Variants in SPTBN4 observed in about 807,000 individuals in gnomAD.
SPTBN4 encodes the protein spectrin beta chain, non-erythrocytic 4.
SPTBN4 carries 96 observed loss-of-function variants against 277.8 expected under a neutral mutation model. The ratio of observed to expected loss-of-function variants is 0.35; its 90% confidence interval spans 0.29 to 0.41. The LOEUF is 0.41. Among genes scored for constraint, SPTBN4 ranks in the 10% least tolerant of loss-of-function variants. SPTBN4 has a pLI of 1.00. For missense variants in SPTBN4, 3,006 were observed against 3,595.7 expected, an observed-to-expected ratio of 0.84 and a Z score of 4.19; for synonymous variants, 1,481 against 1,580.3, an observed-to-expected ratio of 0.94 and a Z score of 1.49.
Position 40,568,123 on chromosome 19 carries a change from G to GGCCGGAGCGGCAGGAGTC in SPTBN4, c.6798_6815dup (p.Pro2267_Ser2272dup), listed in dbSNP as rs1343835417. ...TCCGAGGAGGCTGCGCGGAGGCGGCGGCCGGAGCGGCAGGAGTCAGCGGAG... is the reference window on the plus strand; with the variant it reads ...TCCGAGGAGGCTGCGCGGAGGCGGCGGCCGGAGCGGCAGGAGTCGCCGGAGCGGCAGGAGTCAGCGGAG... On this transcript the variant is annotated inframe_insertion, in exon 31 of 36. Coordinates refer to ENST00000598249, the MANE Select transcript of SPTBN4 (RefSeq NM_020971.3). The GGCCGGAGCGGCAGGAGTC allele has an allele frequency of 1.5e-5, 24 of 1,573,528 alleles. No individual in the cohort carries two copies. The Admixed American group carries it at 4.5e-4, about 30-fold the overall frequency.
chr19:40,567,608 C>CT, intron 30 of SPTBN4, 55 bp from the exon 31 acceptor site: 2 of 1,371,308 alleles, frequency 1.5e-6, no homozygotes, highest in Non-Finnish European at 1.9e-6. Flanking sequence ...GGACCTCCCC[C>CT]TTACCCCGCC....
At chr19:40,477,868 C>T (rs532409006) in intron 2 of SPTBN4, among the ~76,000 whole-genome samples, 47 of 152,032 alleles carry the variant, frequency 3.1e-4, no homozygotes, top group Non-Finnish European at 6.6e-4. Context: ...GACGGAGTTT[C>T]GCTCTTGTTG....
In SPTBN4 at chr19:40,490,026, A is replaced by G. The variant is rs1359423761; in HGVS notation, c.322-49A>G. On this transcript the variant is annotated intron_variant, in intron 3 of 35. Coordinates refer to ENST00000598249, the MANE Select transcript of SPTBN4 (RefSeq NM_020971.3). The surrounding 1 kb of genome is among the most constrained non-coding windows in gnomAD (Gnocchi z 4.3). ...GAAGCTGCGGGGCCGAGGGCGCCAT[A>G]CTCCTGTCTGTCCAGACCCCCGATC... 1.3e-5 allele frequency: 20 copies of G among 1,519,872 alleles called. No individual in the cohort carries two copies. Among genetic ancestry groups the G allele is most frequent in the Non-Finnish European group, 1.7e-5 (19 of 1,133,018 alleles). The allele number at this position is 1,519,872 out of a possible 1,614,324, so 94.1% of individuals were successfully genotyped here. A position where few individuals can be genotyped will look rare whatever the true frequency, so the allele number is the denominator to read the frequency against.
At chr19:40,521,139 G>T (rs976171431) in intron 16 of SPTBN4, among the ~76,000 whole-genome samples, 4 of 152,032 alleles carry the variant, frequency 2.6e-5, no homozygotes, top group African/African-American at 9.7e-5. Flanking sequence ...TGGCCAGGAT[G>T]GTTTTGATCT....
At chr19:40,467,630 G>A (rs941330916) in intron 1 of SPTBN4, among the ~76,000 whole-genome samples, 2 of 152,044 alleles carry the variant, frequency 1.3e-5, no homozygotes, top group African/African-American at 4.8e-5. Flanking sequence ...TTGCGGGGGG[G>A]GGGGGGTGTT....
At chr19:40,538,600 G>A (rs976817993) in intron 20 of SPTBN4, among the ~76,000 whole-genome samples, 1 of 151,928 alleles carries the variant, frequency 6.6e-6, no homozygotes, top group African/African-American at 2.4e-5. Context: ...GAATTTTTTT[G>A]TTTTTGAGGC....
At position 40,557,266 on chromosome 19, in the gene SPTBN4, G is replaced by A. The variant is rs1407043277; in HGVS notation, c.5533G>A (p.Glu1845Lys). The A allele has an allele frequency of 6.2e-7, 1 of 1,613,674 alleles. No individual in the cohort carries two copies. The highest frequency in any genetic ancestry group is 1.3e-5 in the African/African-American group (1 of 75,066). The change falls in exon 26 of 36, where the codon GAG becomes AAG. Residue 1845 changes from glutamate (E) to lysine (K), a missense_variant. Physicochemically the swap from Glu to Lys is moderately conservative, Grantham distance 56. Around this residue, in one of 5 missense-constraint regions of SPTBN4, gnomAD observed 425 missense variants for 594.7 expected, o/e 0.71. Coordinates refer to ENST00000598249, the MANE Select transcript of SPTBN4 (RefSeq NM_020971.3). ...ELHKFFSDAR[E>K]LQGQIEEKRR... ...TCATAAGTTCTTCAGTGACGCCCGA[G>A]AGCTTCAGGGACAGATTGAGGAGAA...
Position 40,570,460 on chromosome 19 carries a change from C to T in SPTBN4, c.7051C>T (p.Leu2351Phe). ...AGPSLPQPRE[L>F]PPGRLPNGLE... ...GCCGTCGCTGCCTCAGCCACGCGAGCTTCCCCCAGGTCGCCTGCCCAACGG... is the reference window on the plus strand; with the variant it reads ...GCCGTCGCTGCCTCAGCCACGCGAGTTTCCCCCAGGTCGCCTGCCCAACGG... The change falls in exon 33 of 36, where the codon CTT (leucine) becomes TTT (phenylalanine). Residue 2351 changes from leucine to phenylalanine, a missense_variant. Physicochemically the swap from Leu to Phe is conservative, Grantham distance 22 (BLOSUM62 0). Transcript: ENST00000598249. 1 of 1,566,686 alleles carries T rather than the reference C, an allele frequency of 6.4e-7. No individual in the cohort carries two copies. The highest frequency in any genetic ancestry group is 8.6e-7 in the Non-Finnish European group (1 of 1,165,396).
At chr19:40,480,249 C>T (rs1452464741) in intron 2 of SPTBN4, among the ~76,000 whole-genome samples, 2 of 114,016 alleles carry the variant, frequency 1.8e-5, no homozygotes, top group Non-Finnish European at 3.4e-5. Flanking sequence ...GAGACTCCGT[C>T]TCAAAAAAAA....
chr19:40,502,094 G>T lies in SPTBN4; in HGVS notation c.898-34G>T. 3 of 1,613,396 alleles carry T rather than the reference G, an allele frequency of 1.9e-6. No homozygotes were observed. Among genetic ancestry groups the T allele is most frequent in the South Asian group, 2.2e-5 (2 of 91,042 alleles). On this transcript the variant is annotated intron_variant, in intron 8 of 35. Coordinates refer to ENST00000598249, the MANE Select transcript of SPTBN4 (RefSeq NM_020971.3). The surrounding 1 kb of genome is among the most constrained non-coding windows in gnomAD (Gnocchi z 4.9). ...GGAAGCTGGTGGCAGGCACGGGTGG[G>T]ATGAGGCTGACCCCCCTTCCTCTGC...
At chr19:40,563,445 G>A (rs989756422) in intron 27 of SPTBN4, among the ~76,000 whole-genome samples, 4 of 151,952 alleles carry the variant, frequency 2.6e-5, no homozygotes, top group African/African-American at 9.7e-5. Context: ...CCACAAATGC[G>A]AGCCACATAT....
At chr19:40,491,998 G>C (rs534936047) in intron 4 of SPTBN4, among the ~76,000 whole-genome samples, 47 of 151,784 alleles carry the variant, frequency 3.1e-4, no homozygotes, top group African/African-American at 1.1e-3. Context: ...CTCCAGCCTG[G>C]GCAACAAGAG....
chr19:40,546,310 A>G (rs1175311122), intron 20 of SPTBN4, among the ~76,000 whole-genome samples: 1 of 152,038 alleles, frequency 6.6e-6, no homozygotes, highest in South Asian at 2.1e-4. Flanking sequence ...GCTTATTAAT[A>G]AGACTGAGCA....
chr19:40,474,017 T>C (rs1388507274), intron 2 of SPTBN4, among the ~76,000 whole-genome samples: 1 of 150,860 alleles, frequency 6.6e-6, no homozygotes, highest in African/African-American at 2.4e-5. Flanking sequence ...CCAGGCGTGG[T>C]GGCATGCATC....
chr19:40,491,861 A>C (rs1485858656), intron 4 of SPTBN4, among the ~76,000 whole-genome samples: 1 of 151,790 alleles, frequency 6.6e-6, no homozygotes, highest in South Asian at 2.1e-4. Flanking sequence ...TATCTCTACT[A>C]AAAATACCAA....
At chr19:40,561,100 G>A (rs539547842) in intron 27 of SPTBN4, among the ~76,000 whole-genome samples, 4 of 152,136 alleles carry the variant, frequency 2.6e-5, no homozygotes, top group Non-Finnish European at 4.4e-5. Context: ...TGCAACCTCC[G>A]TCTCCCAGGT....
At chr19:40,548,413 C>T (rs2080880973) in intron 20 of SPTBN4, among the ~76,000 whole-genome samples, 1 of 151,842 alleles carries the variant, frequency 6.6e-6, no homozygotes, top group Admixed American at 6.6e-5. Flanking sequence ...ATCACTTGAA[C>T]CTGGGAGGTG....
chr19:40,555,536 G>C (rs1026204038), intron 24 of SPTBN4, among the ~76,000 whole-genome samples: 4 of 151,624 alleles, frequency 2.6e-5, no homozygotes, highest in Admixed American at 2.6e-4. Context: ...AAGGAAACTG[G>C]GTGAGGCTGG....
intron 20 of SPTBN4, among the ~76,000 whole-genome samples, chr19:40,542,353 G>A (rs2080811290): frequency 6.6e-6 from 1 of 151,970 alleles, no homozygotes; most frequent in African/African-American, 2.4e-5. Context: ...CACCTCCCAG[G>A]TCCTGGCCAC....
Sources: allele counts gnomAD v4.1 joint callset (sites outside exome capture counted in the v4.1 genomes callset), GRCh38; gene constraint gnomAD v4.1.1; regional missense constraint gnomAD v4.1.1; non-coding constraint Gnocchi (gnomAD v3.1); transcripts MANE v1.5; gene names NCBI Gene and HGNC (gene_info 2026-07-23, HGNC 2026-07-21).